Variants in PDS5A observed in about 807,000 individuals in gnomAD.
PDS5A encodes sister chromatid cohesion protein PDS5 homolog A.
In PDS5A, 42 loss-of-function variants were observed where a neutral mutation model predicts 167.1. That is an observed-to-expected ratio of 0.25 (90% confidence interval 0.20 to 0.33). The LOEUF (loss-of-function observed/expected upper bound fraction) is 0.33. Among genes scored for constraint, PDS5A ranks in the 10% least tolerant of loss-of-function variants. The pLI, the probability that PDS5A is intolerant of heterozygous loss-of-function variation, is 1.00. For synonymous variants in PDS5A, 553 were observed against 554.6 expected, an observed-to-expected ratio of 1.00 and a Z score of 0.04; for missense variants, 1,033 against 1,605.9, an observed-to-expected ratio of 0.64 and a Z score of 6.10.
At chr4:39,835,766 G>A (rs540861642) in intron 32 of PDS5A, among the ~76,000 whole-genome samples, 371 of 151,866 alleles carry the variant, frequency 2.4e-3, no homozygotes, top group African/African-American at 8.7e-3. Context: ...CAGGTGATCC[G>A]CCTGCCTTGG....
At chr4:39,967,172 G>A (rs1024059065) in intron 2 of PDS5A, among the ~76,000 whole-genome samples, 1 of 151,752 alleles carries the variant, frequency 6.6e-6, no homozygotes, top group Non-Finnish European at 1.5e-5. Flanking sequence ...AGGTGTGGTG[G>A]CACGCACCTG....
At chr4:39,915,349 T>TTC (rs1560479734) in intron 8 of PDS5A, among the ~76,000 whole-genome samples, 1 of 146,464 alleles carries the variant, frequency 6.8e-6, no homozygotes. Flanking sequence ...CCTGATTTTT[T>TTC]TTTTTTTTTT....
intron 2 of PDS5A, among the ~76,000 whole-genome samples, chr4:39,949,831 A>AAAAAAAAAAAAAAAG (rs1336523081): frequency 6.7e-6 from 1 of 149,506 alleles, no homozygotes; most frequent in Non-Finnish European, 1.5e-5. Flanking sequence ...GAAAAAAAAA[A>AAAAAAAAAAAAAAAG]AAAAGAAAAA....
At chr4:39,953,537 C>T (rs1270453329) in intron 2 of PDS5A, among the ~76,000 whole-genome samples, 1 of 151,430 alleles carries the variant, frequency 6.6e-6, no homozygotes, top group South Asian at 2.1e-4. Context: ...TTAAGACCAG[C>T]CTGGAAAACA....
chr4:39,825,630 C>T lies in PDS5A; in HGVS notation c.4011-142G>A, dbSNP rs1715226836. On this transcript the variant is annotated intron_variant, in intron 32 of 32. Transcript: ENST00000303538. ...TAAGCATCAGGATCTCACTCTGTCA[C>T]TCAGGCTGAAGTACAGTGGCACGAT... The T allele has an allele frequency of 6.6e-6, 4 of 607,782 alleles. No individual in the cohort carries two copies. The East Asian group carries it at 9.3e-5, about 14-fold the overall frequency. The allele number at this position is 607,782 out of a possible 1,614,324, so 37.6% of individuals were successfully genotyped here. A position where few individuals can be genotyped will look rare whatever the true frequency, so the allele number is the denominator to read the frequency against.
chr4:39,837,727 G>A, intron 32 of PDS5A, 129 bp downstream of exon 32: 2 of 645,450 alleles, frequency 3.1e-6, no homozygotes, highest in Non-Finnish European at 5.2e-6. Flanking sequence ...ATTATAAACG[G>A]ACCCAGGAAA....
rs1262146759 is a variant in PDS5A, at chr4:39,917,193, AAG to A, written c.736-7_736-6del. 13 of 1,521,912 alleles carry A rather than the reference AAG, an allele frequency of 8.5e-6. No individual in the cohort carries two copies. The highest frequency in any genetic ancestry group is 2.9e-5 in the African/African-American group (2 of 69,580). 94.3% of individuals were successfully genotyped at this position (1,521,912 alleles called of 1,614,324 possible). A position where few individuals can be genotyped will look rare whatever the true frequency, so the allele number is the denominator to read the frequency against. On this transcript the variant is annotated splice_region_variant and splice_polypyrimidine_tract_variant and intron_variant, in intron 7 of 32. Coordinates refer to ENST00000303538, the MANE Select transcript of PDS5A (RefSeq NM_001100399.2). ...CACCAGGACTTGATTGAAAAACTGT[AAG>A]AGATATTAAAAACAAAAAGAAAACA...
At chr4:39,874,855 A>G (rs536741178) in intron 19 of PDS5A, among the ~76,000 whole-genome samples, 1 of 152,306 alleles carries the variant, frequency 6.6e-6, no homozygotes, top group East Asian at 1.9e-4. Context: ...ATACTAGTGA[A>G]AGAAAGTATG....
intron 10 of PDS5A, 85 bp downstream of exon 10, chr4:39,910,159 T>C (rs892449170): frequency 1.7e-5 from 11 of 665,860 alleles, no homozygotes; most frequent in African/African-American, 7.1e-5. Flanking sequence ...TAAAACCTAC[T>C]TGGAAAGTGA....
At chr4:39,973,828 C>G in intron 2 of PDS5A, 1 of 1,114,474 alleles carries the variant, frequency 9.0e-7, no homozygotes, top group South Asian at 1.2e-5. Flanking sequence ...TCCACAGACT[C>G]AGAACCGTGC....
chr4:39,848,192 A>G (rs995716819), intron 28 of PDS5A: 3 of 152,592 alleles, frequency 2.0e-5, no homozygotes, highest in African/African-American at 7.2e-5. Context: ...GGGGATCATT[A>G]CTGAGGCATA....
rs764060989 is a variant in PDS5A at position 39,976,465 on chromosome 4, G to A, written c.113C>T (p.Thr38Met). 5 of 1,613,200 alleles carry A rather than the reference G, an allele frequency of 3.1e-6. No individual in the cohort carries two copies. Among genetic ancestry groups the A allele is most frequent in the African/African-American group, 1.3e-5 (1 of 74,876 alleles). The change falls in exon 2 of 33, where the codon ACG becomes ATG. Residue 38 changes from threonine to methionine, a missense_variant. Transcript: ENST00000303538. ...CTTCAGGCGTTTGATCATCTCGTCC[G>A]TGGTGATCTTGTCGGTGATCTCTTT... Reference protein sequence around the residue: ...GVKEITDKITTDEMIKRLKMV... With the variant: ...GVKEITDKITMDEMIKRLKMV...
Position 39,926,779 on chromosome 4 carries a change from A to G in PDS5A, c.425T>C (p.Leu142Ser). 7.2e-7 allele frequency: 1 copy of G among 1,391,100 alleles called. No individual in the cohort carries two copies. The highest frequency in any genetic ancestry group is 9.4e-7 in the Non-Finnish European group (1 of 1,059,468). 86.2% of individuals were successfully genotyped at this position (1,391,100 alleles called of 1,614,324 possible). A position where few individuals can be genotyped will look rare whatever the true frequency, so the allele number is the denominator to read the frequency against. The change falls in exon 4 of 33, where the codon TTA becomes TCA. Residue 142 changes from leucine to serine, a missense_variant. Physicochemically the swap from Leu to Ser is moderately radical, Grantham distance 145 (BLOSUM62 -2). Transcript: ENST00000303538. Reference protein sequence around the residue: ...SPQFNRYFYLLENLAWVKSYN... With the variant: ...SPQFNRYFYLSENLAWVKSYN... ...TTAAAGTTTTTTTTTTTTTACCTCT[A>G]ATAAATAAAAGTATCTATTAAACTG...
chr4:39,935,960 C>T (rs1364816859), intron 2 of PDS5A, among the ~76,000 whole-genome samples: 2 of 152,140 alleles, frequency 1.3e-5, no homozygotes, highest in Admixed American at 1.3e-4. Context: ...CTGAAAATAA[C>T]CAACTGTCCT....
chr4:39,867,645 G>A (rs1430021914), intron 22 of PDS5A, among the ~76,000 whole-genome samples: 5 of 151,714 alleles, frequency 3.3e-5, no homozygotes, highest in East Asian at 1.9e-4. Flanking sequence ...GCTTGAACCC[G>A]GGAGGCAGAG....
intron 14 of PDS5A, among the ~76,000 whole-genome samples, chr4:39,900,080 T>C (rs915602351): frequency 6.6e-6 from 1 of 152,062 alleles, no homozygotes; most frequent in African/African-American, 2.4e-5. Flanking sequence ...CACTCTACAC[T>C]GAGAGACCAT....
chr4:39,911,498 T>C (rs890390274), intron 9 of PDS5A, among the ~76,000 whole-genome samples: 8 of 152,010 alleles, frequency 5.3e-5, no homozygotes, highest in African/African-American at 1.9e-4. Flanking sequence ...TAGTATACGT[T>C]AAGAATTCAA....
At chr4:39,825,783 T>G (rs1226154453) in intron 32 of PDS5A, among the ~76,000 whole-genome samples, 1 of 151,994 alleles carries the variant, frequency 6.6e-6, no homozygotes, top group Non-Finnish European at 1.5e-5. Flanking sequence ...AAATTATTTG[T>G]ACAGACGGGA....
rs1715083706 is a variant in PDS5A, at chr4:39,824,273, A to C, written c.*1212T>G. ...TGACTTTAGCTCTTTAACATGAAAA[A>C]ATTCACAAGAAAGCATATGATAAAA... On this transcript the variant is annotated 3_prime_UTR_variant, in exon 33 of 33. Transcript: ENST00000303538. The C allele has an allele frequency of 6.6e-6, 1 of 152,192 alleles. No homozygotes were observed. The highest frequency in any genetic ancestry group is 1.5e-5 in the Non-Finnish European group (1 of 68,032). 9.4% of individuals were successfully genotyped at this position (152,192 alleles called of 1,614,324 possible). A position where few individuals can be genotyped will look rare whatever the true frequency, so the allele number is the denominator to read the frequency against.
Sources: gnomAD v4.1 joint callset for allele counts (sites outside exome capture counted in the v4.1 genomes callset) on GRCh38, gnomAD v4.1.1 for gene constraint, MANE v1.5 for transcripts, NCBI Gene and HGNC (gene_info 2026-07-23, HGNC 2026-07-21) for gene names.